DMD: variants seen among roughly 807,000 people sequenced by gnomAD.
The protein encoded by DMD is mutant dystrophin.
In DMD, 63 loss-of-function variants were observed where a neutral mutation model predicts 330.1. The ratio of observed to expected loss-of-function variants is 0.19; its 90% CI spans 0.16 to 0.24. DMD has a LOEUF of 0.24. DMD is among the 10% of genes least tolerant of loss of function. The probability of loss-of-function intolerance (pLI) is 1.00; values close to 1 mark genes in which losing one functional copy is unlikely to be tolerated. For synonymous variants in DMD, 1,223 were observed against 959.8 expected, an observed-to-expected ratio of 1.27 and a Z score of -5.07; for missense variants, 3,344 against 2,684.1, an observed-to-expected ratio of 1.25 and a Z score of -5.43.
chrX:31,987,276 T>C (rs1456155204), intron 44 of DMD, among the ~76,000 whole-genome samples: 1 of 111,658 alleles, frequency 9.0e-6, no homozygotes, highest in East Asian at 2.8e-4. Context: ...CCTCAAACAT[T>C]TACCATTTAT....
chrX:31,946,537 A>T (rs2095089410), intron 45 of DMD, among the ~76,000 whole-genome samples: 1 of 111,934 alleles, frequency 8.9e-6, no homozygotes, highest in African/African-American at 3.2e-5. Context: ...TAGGGAGTCT[A>T]CCTAACAGAT....
intron 60 of DMD, among the ~76,000 whole-genome samples, chrX:31,402,707 G>T (rs1232046108): frequency 8.9e-6 from 1 of 111,940 alleles, no homozygotes; most frequent in Non-Finnish European, 1.9e-5. Flanking sequence ...CTGTCTTACT[G>T]CTCTCAGCAA....
At chrX:31,965,338 C>T (rs1388598560) in intron 45 of DMD, among the ~76,000 whole-genome samples, 1 of 111,507 alleles carries the variant, frequency 9.0e-6, no homozygotes, top group African/African-American at 3.3e-5. Context: ...TGACATTCCT[C>T]AGAATAATGT....
chrX:33,291,368 C>T (rs1018744976), intron 1 of DMD, among the ~76,000 whole-genome samples: 16 of 110,930 alleles, frequency 1.4e-4, no homozygotes, highest in Non-Finnish European at 1.9e-4. Flanking sequence ...CCCTCGCTCA[C>T]CACTCCTATT....
chrX:32,535,717 ATTACGT>A (rs1318729077), intron 17 of DMD, among the ~76,000 whole-genome samples: 1 of 111,397 alleles, frequency 9.0e-6, no homozygotes, highest in Non-Finnish European at 1.9e-5. Flanking sequence ...AATTCCTTAT[ATTACGT>A]TTCCTCTCTT....
intron 78 of DMD, among the ~76,000 whole-genome samples, chrX:31,125,267 G>A (rs748374407): frequency 5.0e-4 from 56 of 111,706 alleles, no homozygotes; most frequent in Non-Finnish European, 9.0e-4. Flanking sequence ...AAACCGTCAG[G>A]GGCATTCAAT....
intron 34 of DMD, among the ~76,000 whole-genome samples, chrX:32,372,247 C>T (rs2097881618): frequency 1.8e-5 from 2 of 111,945 alleles, no homozygotes; most frequent in Admixed American, 1.9e-4. Context: ...TACGTTTAAA[C>T]AGATATTTCA....
intron 44 of DMD, among the ~76,000 whole-genome samples, chrX:32,073,634 A>C (rs1483143905): frequency 4.5e-5 from 5 of 111,835 alleles, no homozygotes; most frequent in Non-Finnish European, 9.4e-5. Flanking sequence ...TAGACTCATA[A>C]GTTTTCAAAG....
At chrX:32,335,467 A>G (rs1347367998) in intron 41 of DMD, among the ~76,000 whole-genome samples, 1 of 102,267 alleles carries the variant, frequency 9.8e-6, no homozygotes, top group East Asian at 3.1e-4. Context: ...ACATGTATAT[A>G]TAACATGTAT....
Position 31,800,489 on chromosome X carries a change from G to A in DMD, c.7309+19486C>T, listed in dbSNP as rs749075548. Among the ~76,000 whole-genome samples, 402 of 112,036 alleles carry A rather than the reference G, an allele frequency of 3.6e-3. 1 individual carries two copies. The highest frequency in any genetic ancestry group is 0.012 in the African/African-American group (370 of 30,863). On this transcript the variant is annotated intron_variant, in intron 50 of 78. Transcript: ENST00000357033. ...AGCAGCACGGCCCTGTGCCTGGCCC[G>A]TGAAACCATGTTTTCCTTTTAGGCC...
At chrX:32,864,633 T>C (rs2082341998) in intron 2 of DMD, among the ~76,000 whole-genome samples, 1 of 111,674 alleles carries the variant, frequency 9.0e-6, no homozygotes, top group South Asian at 3.7e-4. Context: ...AAGTCCCAAA[T>C]TCCTATTGTT....
At chrX:31,631,559 T>C (rs911574177) in intron 54 of DMD, among the ~76,000 whole-genome samples, 1 of 110,806 alleles carries the variant, frequency 9.0e-6, no homozygotes, top group African/African-American at 3.3e-5. Context: ...AGGCGGAGGG[T>C]TGATTGTGTT....
At chrX:31,678,341 G>T (rs1357296673) in intron 53 of DMD, among the ~76,000 whole-genome samples, 1 of 111,451 alleles carries the variant, frequency 9.0e-6, no homozygotes, top group Non-Finnish European at 1.9e-5. Flanking sequence ...TTGATCAAGT[G>T]CCCAATCTGA....
intron 55 of DMD, among the ~76,000 whole-genome samples, chrX:31,541,341 C>CT (rs202195666): frequency 0.039 from 4,135 of 106,691 alleles, 92 homozygotes; most frequent in Middle Eastern, 0.063. Flanking sequence ...CAAATATTTT[C>CT]TTTTTTTTTT....
chrX:32,076,185 C>T (rs898461088), intron 44 of DMD, among the ~76,000 whole-genome samples: 1 of 106,720 alleles, frequency 9.4e-6, no homozygotes, highest in Non-Finnish European at 1.9e-5. Context: ...AAGTCATGAC[C>T]CTCCAGAGGA....
At chrX:31,413,716 C>T (rs765097881) in intron 60 of DMD, among the ~76,000 whole-genome samples, 31 of 111,713 alleles carry the variant, frequency 2.8e-4, no homozygotes, top group Non-Finnish European at 5.3e-4. Flanking sequence ...ATTGAAACAT[C>T]ACCAAATTTA....
chrX:32,621,732 T>C (rs192164130), intron 11 of DMD, among the ~76,000 whole-genome samples: 1 of 111,027 alleles, frequency 9.0e-6, no homozygotes, highest in East Asian at 2.9e-4. Context: ...AATATTTTAA[T>C]GACTGGTACA....
chrX:32,013,093 C>CTTTTTGTTTT lies in DMD; in HGVS notation c.6439-44580_6439-44579insAAAACAAAAA, dbSNP rs1557064305. 4.9e-5 allele frequency among the ~76,000 whole-genome samples: 3 copies of CTTTTTGTTTT among 61,198 alleles called. 1 individual carries two copies. Among genetic ancestry groups the CTTTTTGTTTT allele is most frequent in the African/African-American group, 1.6e-4 (2 of 12,317 alleles). 53.1% of individuals were successfully genotyped at this position (61,198 alleles called of 115,157 possible). A position where few individuals can be genotyped will look rare whatever the true frequency, so the allele number is the denominator to read the frequency against. On this transcript the variant is annotated intron_variant, in intron 44 of 78. Coordinates refer to ENST00000357033, the MANE Select transcript of DMD (RefSeq NM_004006.3). The stretch of plus-strand genomic sequence containing the variant: ...GGAAATTAATCTTTTCTTTTCTTTC[C>CTTTTTGTTTT]TTTTTTTTTTTTTGAGATGGAATCT...
intron 1 of DMD, among the ~76,000 whole-genome samples, chrX:33,251,509 T>C (rs115290616): frequency 0.035 from 3,901 of 111,435 alleles, 182 homozygotes; most frequent in African/African-American, 0.12. Flanking sequence ...TGGAGTGAAA[T>C]TGAGATGCCT....
Sources: allele counts gnomAD v4.1 joint callset (sites outside exome capture counted in the v4.1 genomes callset), GRCh38; gene constraint gnomAD v4.1.1; transcripts MANE v1.5; gene names NCBI Gene and HGNC (gene_info 2026-07-23, HGNC 2026-07-21).